The following CEP41 variants were observed in gnomAD, a reference collection of about 807,000 sequenced individuals.
The protein encoded by CEP41 is centrosomal protein 41, also known as centrosomal protein of 41 kDa.
In CEP41, 32 loss-of-function variants were observed where a neutral mutation model predicts 44.3. The observed-to-expected ratio is 0.72, with a 90% CI of 0.54 to 0.97. The LOEUF (loss-of-function observed/expected upper bound fraction) is 0.97. Ranked by LOEUF, CEP41 falls within the 50% of genes least tolerant of loss-of-function variation. CEP41 has a pLI of 0.00. For missense variants in CEP41, 432 were observed against 455.2 expected, an observed-to-expected ratio of 0.95 and a Z score of 0.46; for synonymous variants, 151 against 168.5, an observed-to-expected ratio of 0.90 and a Z score of 0.80.
At position 130,398,039 on chromosome 7, in the gene CEP41, T is replaced by C. The variant is rs572822544; in HGVS notation, c.*852A>G. 1 of 454,220 alleles carries C rather than the reference T, an allele frequency of 2.2e-6. No individual in the cohort carries two copies. The highest frequency in any genetic ancestry group is 2.0e-5 in the African/African-American group (1 of 50,128). The allele number at this position is 454,220 out of a possible 1,614,324, so 28.1% of individuals were successfully genotyped here. A position where few individuals can be genotyped will look rare whatever the true frequency, so the allele number is the denominator to read the frequency against. On this transcript the variant is annotated 3_prime_UTR_variant, in exon 11 of 11. Coordinates refer to ENST00000223208, the MANE Select transcript of CEP41 (RefSeq NM_018718.3). The stretch of plus-strand genomic sequence containing the variant: ...GCTGGTATTTTCAACTGGCCATAAT[T>C]TCTGTCCATCTAACATGGATGGACT...
At chr7:130,406,155 A>C (rs1554418194) in intron 5 of CEP41, among the ~76,000 whole-genome samples, 2 of 152,264 alleles carry the variant, frequency 1.3e-5, no homozygotes. Context: ...TTTTTAATAC[A>C]CTAAATATTA....
chr7:130,416,616 G>A (rs1350275369), intron 3 of CEP41, among the ~76,000 whole-genome samples: 1 of 152,224 alleles, frequency 6.6e-6, no homozygotes, highest in Non-Finnish European at 1.5e-5. Flanking sequence ...CATGAAGACT[G>A]CAGTACAATG....
chr7:130,440,249 G>A (rs1165471641), intron 1 of CEP41, among the ~76,000 whole-genome samples: 3 of 152,162 alleles, frequency 2.0e-5, no homozygotes, highest in African/African-American at 7.2e-5. Flanking sequence ...TCAAACTTCT[G>A]ACTTCGTGAT....
intron 1 of CEP41, among the ~76,000 whole-genome samples, chr7:130,428,780 T>G (rs1797739569): frequency 6.6e-6 from 1 of 151,934 alleles, no homozygotes; most frequent in African/African-American, 2.4e-5. Flanking sequence ...GGCATGGTGA[T>G]GCACACCTAT....
upstream of CEP41, chr7:130,441,042 C>G (rs1554427621): frequency 6.6e-7 from 1 of 1,513,992 alleles, no homozygotes; most frequent in East Asian, 2.3e-5. Flanking sequence ...CCCCCACAAC[C>G]TTGTTCAGCC....
chr7:130,418,238 A>G (rs1008695483), intron 2 of CEP41, among the ~76,000 whole-genome samples: 3 of 152,234 alleles, frequency 2.0e-5, no homozygotes, highest in Non-Finnish European at 4.4e-5. Context: ...AGCCTTCTCA[A>G]GAGAGACACT....
chr7:130,411,487 A>G (rs1797180936), intron 4 of CEP41, among the ~76,000 whole-genome samples: 1 of 152,242 alleles, frequency 6.6e-6, no homozygotes, highest in African/African-American at 2.4e-5. Flanking sequence ...ATCTGTATAT[A>G]TCGTGGTCCA....
chr7:130,409,213 G>A (rs1554418881), intron 5 of CEP41, among the ~76,000 whole-genome samples: 1 of 152,194 alleles, frequency 6.6e-6, no homozygotes. Context: ...AGGCACTCCT[G>A]AGTGAGTTAT....
intron 10 of CEP41, chr7:130,399,643 C>T (rs1796780723): frequency 4.0e-6 from 1 of 247,240 alleles, no homozygotes; most frequent in Non-Finnish European, 7.9e-6. Context: ...CATGGTGAAA[C>T]CCTGTCTCTA....
At chr7:130,433,803 G>A (rs1797889012) in intron 1 of CEP41, among the ~76,000 whole-genome samples, 1 of 152,118 alleles carries the variant, frequency 6.6e-6, no homozygotes, top group Admixed American at 6.5e-5. Context: ...CTTGGGACAG[G>A]GGCTCTATCT....
At chr7:130,422,646 T>G (rs1797542986) in intron 2 of CEP41, among the ~76,000 whole-genome samples, 1 of 152,154 alleles carries the variant, frequency 6.6e-6, no homozygotes, top group Non-Finnish European at 1.5e-5. Flanking sequence ...CTAAACTGAC[T>G]TTAGAATAAT....
chr7:130,422,123 T>C, intron 2 of CEP41: 1 of 1,243,270 alleles, frequency 8.0e-7, no homozygotes, highest in Non-Finnish European at 1.1e-6. Context: ...AAACAAAAAA[T>C]AATCTTTAAC....
At chr7:130,415,455 T>C (rs1797305821) in intron 3 of CEP41, among the ~76,000 whole-genome samples, 1 of 152,200 alleles carries the variant, frequency 6.6e-6, no homozygotes, top group African/African-American at 2.4e-5. Flanking sequence ...AACAGGAATC[T>C]CCTGCTCTAC....
In CEP41 at chr7:130,398,876, A is replaced by C. The variant is rs1554416055; in HGVS notation, c.*15T>G. 5 of 1,614,136 alleles carry C rather than the reference A, an allele frequency of 3.1e-6. No homozygotes were observed. Among genetic ancestry groups the C allele is most frequent in the Non-Finnish European group, 4.2e-6 (5 of 1,179,934 alleles). ...AAGAGGAAGAACATTTATTTGCCTA[A>C]GTGAGACAAAGTCTTTACTTCCAGG... On this transcript the variant is annotated 3_prime_UTR_variant, in exon 11 of 11. Transcript: ENST00000223208.
chr7:130,421,819 T>C (rs781961621), intron 2 of CEP41: 40 of 1,365,630 alleles, frequency 2.9e-5, no homozygotes, highest in Non-Finnish European at 3.7e-5. Context: ...GAGAGCCCTG[T>C]GGTTTGGAAA....
chr7:130,415,066 AAT>A (rs1797294370), intron 3 of CEP41, among the ~76,000 whole-genome samples: 1 of 152,234 alleles, frequency 6.6e-6, no homozygotes, highest in Non-Finnish European at 1.5e-5. Flanking sequence ...GTAAATTGTC[AAT>A]AGACATAGAG....
At chr7:130,410,500 G>T (rs1360705016) in intron 5 of CEP41, among the ~76,000 whole-genome samples, 1 of 152,190 alleles carries the variant, frequency 6.6e-6, no homozygotes, top group East Asian at 1.9e-4. Flanking sequence ...TTGTAACTCA[G>T]GTCCCTTCCT....
intron 2 of CEP41, among the ~76,000 whole-genome samples, chr7:130,422,798 C>T (rs1797547538): frequency 6.6e-6 from 1 of 152,158 alleles, no homozygotes; most frequent in Admixed American, 6.5e-5. Flanking sequence ...TGGGAGACTT[C>T]TGCTTCCAGA....
intron 1 of CEP41, among the ~76,000 whole-genome samples, chr7:130,439,895 T>C (rs368567065): frequency 1.3e-5 from 2 of 152,158 alleles, no homozygotes; most frequent in East Asian, 3.9e-4. Context: ...ACCCCTTCCA[T>C]CTCCACAACC....
Sources: allele counts gnomAD v4.1 joint callset (sites outside exome capture counted in the v4.1 genomes callset), GRCh38; gene constraint gnomAD v4.1.1; transcripts MANE v1.5; gene names NCBI Gene and HGNC (gene_info 2026-07-23, HGNC 2026-07-21).